PLXNA4: variants seen among roughly 807,000 people sequenced by gnomAD.
The protein encoded by PLXNA4 is plexin-A4.
A neutral mutation model predicts 191.8 loss-of-function variants in PLXNA4; 44 were observed. That is an observed-to-expected ratio of 0.23 (90% CI 0.18 to 0.29). The LOEUF (loss-of-function observed/expected upper bound fraction) is 0.29, where lower values mean the gene tolerates loss of function less well. Ranked by LOEUF, PLXNA4 falls within the 10% of genes least tolerant of loss-of-function variation. The pLI, the probability that PLXNA4 is intolerant of heterozygous loss-of-function variation, is 1.00. For synonymous variants in PLXNA4, 1,082 were observed against 1,009.5 expected (o/e 1.07, Z -1.36); for missense variants, 1,800 against 2,488.8 (o/e 0.72, Z 5.89).
intron 3 of PLXNA4, among the ~76,000 whole-genome samples, chr7:132,453,079 GC>G (rs1423876508): frequency 4.6e-5 from 7 of 152,148 alleles, no homozygotes; most frequent in African/African-American, 1.7e-4. Flanking sequence ...TTATGTAGAG[GC>G]CCCAAAATGA....
At chr7:132,533,729 T>C (rs1799718190) in intron 1 of PLXNA4, among the ~76,000 whole-genome samples, 1 of 152,186 alleles carries the variant, frequency 6.6e-6, no homozygotes, top group African/African-American at 2.4e-5. Flanking sequence ...CTCTCCCTTC[T>C]GTGCCTGCTG....
At chr7:132,591,525 G>A (rs1802603203) in intron 2 of PLXNA4, among the ~76,000 whole-genome samples, 2 of 152,022 alleles carry the variant, frequency 1.3e-5, no homozygotes, top group African/African-American at 4.8e-5. Context: ...ATATACAGTT[G>A]TGCATATAAT....
At chr7:132,224,869 C>T (rs1238362172) in intron 8 of PLXNA4, among the ~76,000 whole-genome samples, 1 of 152,224 alleles carries the variant, frequency 6.6e-6, no homozygotes, top group African/African-American at 2.4e-5. Context: ...TAAAATTCCA[C>T]CAGCCTAGAT....
At chr7:132,343,283 G>C (rs1319810394) in intron 3 of PLXNA4, among the ~76,000 whole-genome samples, 1 of 152,114 alleles carries the variant, frequency 6.6e-6, no homozygotes, top group African/African-American at 2.4e-5. Flanking sequence ...TTAAATGTGT[G>C]GCCGAGCAGT....
intron 25 of PLXNA4, among the ~76,000 whole-genome samples, chr7:132,149,074 T>A (rs577842417): frequency 6.6e-6 from 1 of 152,188 alleles, no homozygotes. Context: ...ATCAAGGCTG[T>A]AGGCTCAGTC....
chr7:132,554,775 T>A (rs547491992), intron 1 of PLXNA4, among the ~76,000 whole-genome samples: 2 of 152,186 alleles, frequency 1.3e-5, no homozygotes, highest in South Asian at 4.1e-4. Context: ...TGTTCATAAA[T>A]ATCACCTATT....
chr7:132,546,090 C>T (rs535047791), intron 1 of PLXNA4, among the ~76,000 whole-genome samples: 48 of 152,344 alleles, frequency 3.2e-4, no homozygotes, highest in African/African-American at 1.1e-3. Flanking sequence ...TGACCTACAT[C>T]TGGTTCCCCT....
intron 1 of PLXNA4, among the ~76,000 whole-genome samples, chr7:132,647,982 C>T (rs1426590565): frequency 6.6e-6 from 1 of 151,960 alleles, no homozygotes; most frequent in Non-Finnish European, 1.5e-5. Flanking sequence ...CACATAAACA[C>T]TCATGAACAC....
intron 12 of PLXNA4, 91 bp downstream of exon 12, chr7:132,202,555 C>G: frequency 1.1e-5 from 14 of 1,322,458 alleles, no homozygotes; most frequent in Non-Finnish European, 1.4e-5. Context: ...TACTGGGTGA[C>G]CGACACCACG....
At chr7:132,248,175 G>GAGCTTCGGGAAGCTCT (rs1725232773) in intron 4 of PLXNA4, among the ~76,000 whole-genome samples, 2 of 152,210 alleles carry the variant, frequency 1.3e-5, no homozygotes, top group African/African-American at 4.8e-5. Context: ...CATGAGAAGA[G>GAGCTTCGGGAAGCTCT]CTTCCCGAAA....
At chr7:132,269,380 CT>C (rs902571587) in intron 4 of PLXNA4, among the ~76,000 whole-genome samples, 2 of 145,182 alleles carry the variant, frequency 1.4e-5, no homozygotes, top group African/African-American at 5.0e-5. Context: ...CCCCCACCAT[CT>C]GCCCTCCCAT....
At chr7:132,384,755 C>T (rs958149489) in intron 3 of PLXNA4, 75 of 713,924 alleles carry the variant, frequency 1.1e-4, no homozygotes, top group East Asian at 9.8e-4. Flanking sequence ...TACACACACA[C>T]ACACACACAC....
chr7:132,338,611 A>G (rs747398589), intron 3 of PLXNA4, among the ~76,000 whole-genome samples: 1 of 152,246 alleles, frequency 6.6e-6, no homozygotes, highest in Non-Finnish European at 1.5e-5. Flanking sequence ...AGGATGTTCT[A>G]TAGACAGCCA....
chr7:132,257,243 G>C (rs1039397712), intron 4 of PLXNA4, among the ~76,000 whole-genome samples: 1 of 152,240 alleles, frequency 6.6e-6, no homozygotes, highest in Non-Finnish European at 1.5e-5. Flanking sequence ...GCAGAGGCAA[G>C]TTGTCCCAAA....
chr7:132,196,754 A>T (rs1299840099), intron 13 of PLXNA4, among the ~76,000 whole-genome samples: 2 of 151,990 alleles, frequency 1.3e-5, no homozygotes, highest in African/African-American at 4.8e-5. Context: ...ACTTCTCATG[A>T]CTCTCTCCTG....
intron 3 of PLXNA4, among the ~76,000 whole-genome samples, chr7:132,426,071 C>T (rs1373961442): frequency 6.6e-6 from 1 of 152,214 alleles, no homozygotes; most frequent in Non-Finnish European, 1.5e-5. Context: ...CAGCCTCTGC[C>T]ACTGCTGTGG....
chr7:132,621,505 C>T (rs527762389), intron 2 of PLXNA4, among the ~76,000 whole-genome samples: 51 of 152,118 alleles, frequency 3.4e-4, no homozygotes, highest in Middle Eastern at 6.8e-3. Flanking sequence ...ATGATCTGCC[C>T]GCCTCAGCCT....
intron 4 of PLXNA4, among the ~76,000 whole-genome samples, chr7:132,245,123 T>C (rs1799004794): frequency 6.6e-6 from 1 of 151,708 alleles, no homozygotes; most frequent in African/African-American, 2.4e-5. Context: ...ATTAAAGTCT[T>C]AAGCTGCAGT....
In PLXNA4 at chr7:132,318,636, C is replaced by G. The variant is rs530265264; in HGVS notation, c.1372-20414G>C. On this transcript the variant is annotated intron_variant, in intron 3 of 31. Coordinates refer to ENST00000321063, the MANE Select transcript of PLXNA4 (RefSeq NM_020911.2). ...GAGGGAAGAGGAAGTCTTTTCAGAGCCTCTGGTGATCATCACGCACTTTGC... is the reference window on the plus strand; with the variant it reads ...GAGGGAAGAGGAAGTCTTTTCAGAGGCTCTGGTGATCATCACGCACTTTGC... Among the ~76,000 whole-genome samples, 13 of 150,346 alleles carry G rather than the reference C, an allele frequency of 8.6e-5. 1 individual carries two copies. In the South Asian group the frequency reaches 2.8e-3, roughly 32 times the overall value.
Sources: allele counts gnomAD v4.1 joint callset (sites outside exome capture counted in the v4.1 genomes callset), GRCh38; gene constraint gnomAD v4.1.1; transcripts MANE v1.5; gene names NCBI Gene and HGNC (gene_info 2026-07-23, HGNC 2026-07-21).